HMCN1: variants seen among roughly 807,000 people sequenced by gnomAD.
HMCN1 encodes hemicentin 1.
Under a neutral mutation model 625.9 loss-of-function variants are expected in HMCN1, and 321 were observed. The observed-to-expected ratio is 0.51, with a 90% CI of 0.47 to 0.56. The LOEUF is 0.56. Among genes scored for constraint, HMCN1 ranks in the 20% least tolerant of loss-of-function variants. HMCN1 has a pLI of 0.00. For missense variants in HMCN1, 6,588 were observed against 6,887.3 expected (o/e 0.96, Z 1.54); for synonymous variants, 2,425 against 2,417.6 (o/e 1.00, Z -0.09).
chr1:185,819,838 A>G (rs1660077391), intron 1 of HMCN1, among the ~76,000 whole-genome samples: 1 of 152,218 alleles, frequency 6.6e-6, no homozygotes, highest in African/African-American at 2.4e-5. Flanking sequence ...AAACAATTCA[A>G]TATTATGAAC....
intron 41 of HMCN1, among the ~76,000 whole-genome samples, chr1:186,047,033 T>C (rs1019760804): frequency 6.6e-6 from 1 of 152,062 alleles, no homozygotes; most frequent in Non-Finnish European, 1.5e-5. Flanking sequence ...TGTTTATTAC[T>C]GATAAACAAT....
chr1:185,916,356 A>G (rs576783051), intron 6 of HMCN1, among the ~76,000 whole-genome samples: 1 of 152,232 alleles, frequency 6.6e-6, no homozygotes, highest in East Asian at 1.9e-4. Context: ...CTTTTTGTTC[A>G]TGGAGAAATT....
chr1:186,144,789 A>G (rs937741373), intron 91 of HMCN1, 86 bp downstream of exon 91: 23 of 1,509,010 alleles, frequency 1.5e-5, no homozygotes, highest in Non-Finnish European at 2.1e-5. Context: ...ATATTCCGTT[A>G]TTTGGTTCTT....
intron 6 of HMCN1, among the ~76,000 whole-genome samples, chr1:185,918,892 A>G (rs2102468923): frequency 6.6e-6 from 1 of 152,176 alleles, no homozygotes; most frequent in East Asian, 1.9e-4. Flanking sequence ...CTTCTTATCT[A>G]CAGAAGCCAT....
At chr1:186,160,618 G>C (rs1169019216) in intron 97 of HMCN1, among the ~76,000 whole-genome samples, 1 of 151,924 alleles carries the variant, frequency 6.6e-6, no homozygotes, top group African/African-American at 2.4e-5. Flanking sequence ...CTGTTATGTT[G>C]TGTCTTTGTT....
chr1:186,005,207 A>T (rs1415578191), intron 29 of HMCN1, among the ~76,000 whole-genome samples: 67 of 145,056 alleles, frequency 4.6e-4, no homozygotes, highest in African/African-American at 1.7e-3. Context: ...TTAATTGTTT[A>T]TAAATGTTTA....
intron 4 of HMCN1, among the ~76,000 whole-genome samples, chr1:185,866,599 G>T (rs1227275551): frequency 3.3e-5 from 5 of 151,290 alleles, no homozygotes; most frequent in African/African-American, 1.2e-4. Context: ...GTAGAGACGG[G>T]GTTTCACCAT....
chr1:186,081,114 A>G (rs1213217879), intron 55 of HMCN1, 93 bp from the exon 56 acceptor site: 2 of 1,046,944 alleles, frequency 1.9e-6, no homozygotes, highest in Non-Finnish European at 3.0e-6. Context: ...CTTCTCTATT[A>G]TTATCCCAAA....
rs1023815139 is a variant in HMCN1, at chr1:186,154,382, C to T, written c.15256+395C>T. Among the ~76,000 whole-genome samples, 5 of 152,002 alleles carry T rather than the reference C, an allele frequency of 3.3e-5. No homozygotes were observed. In the South Asian group the frequency reaches 6.2e-4, roughly 19 times the overall value. ...CATGGTAATACAAAAATTAGCCGGT[C>T]GTGGGGGCGGGTGCCTGTAGTCCCA... is the stretch of plus-strand genomic sequence containing the variant. On this transcript the variant is annotated intron_variant, in intron 97 of 106. Transcript: ENST00000271588.
chr1:185,800,164 C>T (rs1022534270), intron 1 of HMCN1, among the ~76,000 whole-genome samples: 2 of 152,196 alleles, frequency 1.3e-5, no homozygotes, highest in African/African-American at 4.8e-5. Flanking sequence ...TGCACTTGAT[C>T]GTGGTGTCTC....
At chr1:185,826,910 A>T (rs1660549204) in intron 1 of HMCN1, among the ~76,000 whole-genome samples, 2 of 152,104 alleles carry the variant, frequency 1.3e-5, no homozygotes, top group Non-Finnish European at 1.5e-5. Context: ...GGATTAGCCT[A>T]AGATCTTTTT....
At chr1:186,130,925 C>G (rs1013169731) in intron 85 of HMCN1, among the ~76,000 whole-genome samples, 2 of 152,076 alleles carry the variant, frequency 1.3e-5, no homozygotes, top group African/African-American at 2.4e-5. Flanking sequence ...CATTGACTTA[C>G]TAATTAACAT....
chr1:185,913,644 G>A (rs1031771704), intron 6 of HMCN1, among the ~76,000 whole-genome samples: 4 of 152,086 alleles, frequency 2.6e-5, no homozygotes, highest in Non-Finnish European at 4.4e-5. Flanking sequence ...GCAATTTATT[G>A]TGCAGTACTT....
chr1:185,779,612 C>T (rs1355151574), intron 1 of HMCN1, among the ~76,000 whole-genome samples: 1 of 152,174 alleles, frequency 6.6e-6, no homozygotes, highest in Non-Finnish European at 1.5e-5. Flanking sequence ...GAATCCTTTT[C>T]CCATTTCTTG....
In HMCN1 at chr1:186,001,359, G is replaced by GTT. The variant is rs1653184402; in HGVS notation, c.4131_4132insTT (p.Thr1378LeufsTer25). 6.2e-7 allele frequency: 1 copy of GTT among 1,611,716 alleles called. No homozygotes were observed. Among genetic ancestry groups the GTT allele is most frequent in the Admixed American group, 1.7e-5 (1 of 59,872 alleles). On this transcript the variant is annotated frameshift_variant, in exon 27 of 107. Transcript: ENST00000271588. LOFTEE classifies it high-confidence loss of function. ...ATGTGTCGGTGTTGTTAAATCAGCT[G>GTT]ACCAATCTCTTCTGTGAAGTGGAAG... is the stretch of plus-strand genomic sequence containing the variant.
chr1:185,746,956 C>T (rs947554634), intron 1 of HMCN1, among the ~76,000 whole-genome samples: 7 of 152,066 alleles, frequency 4.6e-5, no homozygotes, highest in African/African-American at 7.2e-5. Flanking sequence ...TAGCGGCCCA[C>T]GATACTCCAA....
intron 1 of HMCN1, among the ~76,000 whole-genome samples, chr1:185,818,092 C>G (rs1481788074): frequency 1.3e-5 from 2 of 151,120 alleles, no homozygotes; most frequent in Non-Finnish European, 3.0e-5. Context: ...ATTTCCCCAC[C>G]TTTATGAGGC....
intron 89 of HMCN1, among the ~76,000 whole-genome samples, chr1:186,141,123 G>A (rs948444985): frequency 3.9e-5 from 6 of 151,996 alleles, no homozygotes; most frequent in Admixed American, 6.6e-5. Context: ...TAGATCCCTC[G>A]CATGCACAGT....
In HMCN1 at chr1:186,007,273, ACTAT is replaced by A. The variant is rs1571706128; in HGVS notation, c.4626_4629del (p.Tyr1543PhefsTer17). The A allele has an allele frequency of 6.2e-7, 1 of 1,613,574 alleles. No homozygotes were observed. The highest frequency in any genetic ancestry group is 8.5e-7 in the Non-Finnish European group (1 of 1,179,616). On this transcript the variant is annotated frameshift_variant, in exon 30 of 107. Transcript: ENST00000271588. LOFTEE classifies it high-confidence loss of function. ...CAAACAAGCCAAGGATATAAAACTG[ACTAT>A]CTATAGTAAGTGCGATTGTCTTATG...
Sources: gnomAD v4.1 joint callset for allele counts (sites outside exome capture counted in the v4.1 genomes callset) on GRCh38, gnomAD v4.1.1 for gene constraint, MANE v1.5 for transcripts, NCBI Gene and HGNC (gene_info 2026-07-23, HGNC 2026-07-21) for gene names.